The following SYNDIG1L variants were observed in gnomAD, a reference collection of about 807,000 sequenced individuals.
SYNDIG1L encodes the protein synapse differentiation inducing 1 like, also known as synapse differentiation-inducing gene protein 1-like.
In SYNDIG1L, 13 loss-of-function variants were observed where a neutral mutation model predicts 20.1. The observed-to-expected ratio is 0.65, with a 90% CI of 0.42 to 1.03. SYNDIG1L has a LOEUF of 1.03. SYNDIG1L is among the 50% of genes least tolerant of loss of function. The pLI, the probability that SYNDIG1L is intolerant of heterozygous loss-of-function variation, is 0.00. For missense variants in SYNDIG1L, 294 were observed against 305.1 expected, an observed-to-expected ratio of 0.96 and a Z score of 0.27; for synonymous variants, 128 against 129.3, an observed-to-expected ratio of 0.99 and a Z score of 0.07.
chr14:74,447,790 A>G, the SYNDIG1L span, among the ~76,000 whole-genome samples: 1 of 152,216 alleles, frequency 6.6e-6, no homozygotes, highest in Non-Finnish European at 1.5e-5. Context: ...AGTGGAGAAT[A>G]CAAACGTAAT....
the SYNDIG1L span, among the ~76,000 whole-genome samples, chr14:74,433,592 C>A: frequency 0.076 from 11,508 of 152,106 alleles, 709 homozygotes; most frequent in African/African-American, 0.16. Flanking sequence ...ACCGTGTTGC[C>A]CAGGGTGGTC....
intron 1 of SYNDIG1L, among the ~76,000 whole-genome samples, chr14:74,410,651 T>C (rs2139621251): frequency 6.6e-6 from 1 of 152,072 alleles, no homozygotes; most frequent in South Asian, 2.1e-4. Flanking sequence ...CTGGGAAATA[T>C]TGACAGGACT....
chr14:74,422,653 T>TCACACACACA (rs34711949), intron 1 of SYNDIG1L, among the ~76,000 whole-genome samples: 2,985 of 140,446 alleles, frequency 0.021, 50 homozygotes, highest in East Asian at 0.058. Flanking sequence ...ATCTCTCTCT[T>TCACACACACA]CACACACACA....
chr14:74,417,621 C>A (rs2086186779), intron 1 of SYNDIG1L, among the ~76,000 whole-genome samples: 1 of 134,188 alleles, frequency 7.5e-6, no homozygotes. Context: ...AGGCTCAGAA[C>A]TTGCCCAAGA....
intron 1 of SYNDIG1L, among the ~76,000 whole-genome samples, chr14:74,424,050 T>C (rs1423698417): frequency 6.6e-6 from 1 of 152,154 alleles, no homozygotes; most frequent in African/African-American, 2.4e-5. Context: ...CTGGTTCCTA[T>C]TGCTCACTTT....
At chr14:74,463,912 T>C in the SYNDIG1L span, among the ~76,000 whole-genome samples, 2 of 152,152 alleles carry the variant, frequency 1.3e-5, no homozygotes, top group African/African-American at 4.8e-5. Flanking sequence ...AGATGATTGT[T>C]GGGTAGACTG....
At chr14:74,443,849 AG>A in the SYNDIG1L span, among the ~76,000 whole-genome samples, 1 of 152,124 alleles carries the variant, frequency 6.6e-6, no homozygotes, top group African/African-American at 2.4e-5. Context: ...GTTAGGAGTG[AG>A]GGGTCAGGGG....
At chr14:74,421,290 TA>T (rs1413715091) in intron 1 of SYNDIG1L, among the ~76,000 whole-genome samples, 1 of 152,088 alleles carries the variant, frequency 6.6e-6, no homozygotes, top group Non-Finnish European at 1.5e-5. Context: ...TAGGCATAGA[TA>T]AAGTAAGACC....
At chr14:74,430,228 G>T (rs1375839867), upstream of SYNDIG1L, among the ~76,000 whole-genome samples, 1 of 152,102 alleles carries the variant, frequency 6.6e-6, no homozygotes, top group Non-Finnish European at 1.5e-5. Context: ...TCTGGCATCC[G>T]CAGGCTGCTC....
Position 74,409,479 on chromosome 14 carries a change from G to A in SYNDIG1L, c.266C>T (p.Thr89Ile). Residue 89 changes from threonine (T) to isoleucine (I), a missense_variant, in exon 2 of 4, where the codon ACA becomes ATA. By Grantham distance (89) the Thr-to-Ile change is moderately conservative. Transcript: ENST00000331628. ...GGGCTCCCTGTCCTCTGTGAAGCTT[G>A]TCTCACAGCTGCCTGCCCTGGGCTC... ...VKEPRAGSCE[T>I]SFTEDREPQE... The A allele has an allele frequency of 6.2e-7, 1 of 1,613,232 alleles. No individual in the cohort carries two copies.
the SYNDIG1L span, among the ~76,000 whole-genome samples, chr14:74,435,275 C>T: frequency 6.6e-6 from 1 of 152,138 alleles, no homozygotes; most frequent in South Asian, 2.1e-4. Flanking sequence ...TCAGCCAATA[C>T]TGGGAGTTTT....
chr14:74,407,114 A>G lies in SYNDIG1L; in HGVS notation c.*421T>C, dbSNP rs1482432387. On this transcript the variant is annotated 3_prime_UTR_variant, in exon 4 of 4. Coordinates refer to ENST00000331628, the MANE Select transcript of SYNDIG1L (RefSeq NM_001105579.2). ...ATCCCTGTGGGCTGAAAGGATTGGG[A>G]CGGGTCCCCTTGTGCTCTGGGCACC... 1 of 204,878 alleles carries G rather than the reference A, an allele frequency of 4.9e-6. No homozygotes were observed. 12.7% of individuals were successfully genotyped at this position (204,878 alleles called of 1,614,324 possible). A position where few individuals can be genotyped will look rare whatever the true frequency, so the allele number is the denominator to read the frequency against.
At chr14:74,452,905 G>A in the SYNDIG1L span, among the ~76,000 whole-genome samples, 87,535 of 152,050 alleles carry the variant, frequency 0.58, 26,254 homozygotes, top group African/African-American at 0.76. Context: ...CAGCAACAAA[G>A]TAGAATGAGG....
chr14:74,409,267 A>C, intron 2 of SYNDIG1L, 61 bp downstream of exon 2: 1 of 1,177,112 alleles, frequency 8.5e-7, no homozygotes, highest in Non-Finnish European at 1.1e-6. Flanking sequence ...TTTTTTTTGT[A>C]GAGTCGGGGT....
At chr14:74,439,200 CCT>C in the SYNDIG1L span, among the ~76,000 whole-genome samples, 1 of 152,094 alleles carries the variant, frequency 6.6e-6, no homozygotes, top group Non-Finnish European at 1.5e-5. Context: ...CTGGATGCCC[CCT>C]CTCTGGCTTC....
intron 1 of SYNDIG1L, among the ~76,000 whole-genome samples, chr14:74,413,827 C>G (rs969312930): frequency 2.0e-4 from 31 of 152,126 alleles, no homozygotes; most frequent in African/African-American, 6.3e-4. Flanking sequence ...CACACCTCTT[C>G]TTCCATAAAG....
At position 74,426,034 on chromosome 14, in the gene SYNDIG1L, G is replaced by T; in HGVS notation, c.-180C>A. The T allele has an allele frequency of 6.6e-6, 1 of 152,370 alleles. No individual in the cohort carries two copies. The highest frequency in any genetic ancestry group is 1.8e-4 in the South Asian group (1 of 5,666). 9.4% of individuals were successfully genotyped at this position (152,370 alleles called of 1,614,324 possible). A position where few individuals can be genotyped will look rare whatever the true frequency, so the allele number is the denominator to read the frequency against. ...CTCCCAGGAGGGCTCCCCTGCTCTC[G>T]TCCCCGCGTCCCTGAGCAGCCGCCG... is the stretch of plus-strand genomic sequence containing the variant. On this transcript the variant is annotated 5_prime_UTR_variant, in exon 1 of 4. Coordinates refer to ENST00000331628, the MANE Select transcript of SYNDIG1L (RefSeq NM_001105579.2).
chr14:74,422,529 T>C (rs1281555496), intron 1 of SYNDIG1L, among the ~76,000 whole-genome samples: 1 of 152,050 alleles, frequency 6.6e-6, no homozygotes, highest in Non-Finnish European at 1.5e-5. Flanking sequence ...GAATTGGCTT[T>C]TGGACTTGAA....
At chr14:74,468,955 G>A in the SYNDIG1L span, among the ~76,000 whole-genome samples, 108 of 152,154 alleles carry the variant, frequency 7.1e-4, no homozygotes, top group African/African-American at 2.5e-3. Flanking sequence ...ACACCTTCTG[G>A]TCTATGACAG....
Sources: allele counts gnomAD v4.1 joint callset (sites outside exome capture counted in the v4.1 genomes callset), GRCh38; gene constraint gnomAD v4.1.1; transcripts MANE v1.5; gene names NCBI Gene and HGNC (gene_info 2026-07-23, HGNC 2026-07-21).